The following NEXMIF variants were observed in gnomAD, a reference collection of about 807,000 sequenced individuals.
The protein encoded by NEXMIF is neurite extension and migration factor, also known as XLMR protein related to neurite extension.
NEXMIF carries 8 observed loss-of-function variants against 62.1 expected under a neutral mutation model. The ratio of observed to expected loss-of-function variants is 0.13; its 90% CI spans 0.08 to 0.23. NEXMIF has a LOEUF of 0.23. NEXMIF is among the 10% of genes least tolerant of loss of function. The probability of loss-of-function intolerance (pLI) is 1.00; values close to 1 mark genes in which losing one functional copy is unlikely to be tolerated. For missense variants in NEXMIF, 976 were observed against 1,113.3 expected (o/e 0.88, Z 1.75); for synonymous variants, 404 against 416.6 (o/e 0.97, Z 0.37).
intron 1 of NEXMIF, among the ~76,000 whole-genome samples, chrX:74,870,029 G>T (rs781104746): frequency 9.0e-6 from 1 of 110,996 alleles, no homozygotes; most frequent in African/African-American, 3.3e-5. Context: ...TGAGCAAAAA[G>T]AACAAATCTG....
At chrX:74,807,814 A>G (rs5937900) in intron 1 of NEXMIF, among the ~76,000 whole-genome samples, 26,695 of 110,813 alleles carry the variant, frequency 0.24, 3,947 homozygotes, top group East Asian at 0.93. Context: ...AATATTGAAT[A>G]GGAGTGGTAG....
chrX:74,872,639 T>G (rs2080606882), intron 1 of NEXMIF, among the ~76,000 whole-genome samples: 1 of 109,810 alleles, frequency 9.1e-6, no homozygotes, highest in African/African-American at 3.3e-5. Flanking sequence ...TATATTTAAA[T>G]GTACATAATT....
At chrX:74,796,184 TATATATTATATATATAC>T (rs1569345157) in intron 1 of NEXMIF, among the ~76,000 whole-genome samples, 7 of 71,566 alleles carry the variant, frequency 9.8e-5, no homozygotes, top group African/African-American at 3.8e-4. Context: ...TATATATACA[TATATATTATATATATAC>T]ATATATATTA....
intron 1 of NEXMIF, among the ~76,000 whole-genome samples, chrX:74,806,181 G>T (rs183840643): frequency 2.7e-5 from 3 of 110,586 alleles, no homozygotes; most frequent in Non-Finnish European, 5.7e-5. Context: ...TCAACTTACC[G>T]TTTTTTTTCT....
chrX:74,796,209 T>TTATATATATATACATATATAA (rs1556024040), intron 1 of NEXMIF, among the ~76,000 whole-genome samples: 2,102 of 46,558 alleles, frequency 0.045, 97 homozygotes, highest in South Asian at 0.06. Context: ...TACATATATA[T>TTATATATATATACATATATAA]TATATATATA....
At chrX:74,858,384 A>G (rs1451476376) in intron 1 of NEXMIF, among the ~76,000 whole-genome samples, 1 of 112,237 alleles carries the variant, frequency 8.9e-6, no homozygotes, top group Non-Finnish European at 1.9e-5. Flanking sequence ...CTGTCTGGTA[A>G]TGCAGATAAT....
At chrX:74,791,045 G>A (rs2080280399) in intron 1 of NEXMIF, among the ~76,000 whole-genome samples, 1 of 110,571 alleles carries the variant, frequency 9.0e-6, no homozygotes, top group African/African-American at 3.3e-5. Context: ...CGGCATCCCT[G>A]TCTTGTGCCA....
chrX:74,809,024 T>C (rs2080353183), intron 1 of NEXMIF, among the ~76,000 whole-genome samples: 2 of 111,881 alleles, frequency 1.8e-5, no homozygotes, highest in Admixed American at 1.9e-4. Context: ...ATTAGTGCTG[T>C]TATAAAAAGA....
rs1357769216 is a variant in NEXMIF at position 74,925,419 on chromosome X, G to GGCTGCT, written c.-590_-585dup. 4 of 190,800 alleles carry GGCTGCT rather than the reference G, an allele frequency of 2.1e-5. No individual in the cohort carries two copies. The highest frequency in any genetic ancestry group is 3.1e-5 in the African/African-American group (1 of 32,679). The allele number at this position is 190,800 out of a possible 1,213,427, so 15.7% of individuals were successfully genotyped here. A position where few individuals can be genotyped will look rare whatever the true frequency, so the allele number is the denominator to read the frequency against. The stretch of plus-strand genomic sequence containing the variant: ...CTGTGGCGGCGGTGGTGGCGGCGGC[G>GGCTGCT]GCTGCTGCTGCTGCTGCTGATGCTA... On this transcript the variant is annotated 5_prime_UTR_variant, in exon 1 of 4. Transcript: ENST00000055682.
intron 1 of NEXMIF, among the ~76,000 whole-genome samples, chrX:74,840,189 G>A (rs543872289): frequency 3.6e-5 from 4 of 111,749 alleles, no homozygotes; most frequent in African/African-American, 1.3e-4. Context: ...TTTTTCATAT[G>A]CTTGTTGGCT....
intron 1 of NEXMIF, among the ~76,000 whole-genome samples, chrX:74,830,958 CGTT>C (rs141213832): frequency 0.043 from 4,793 of 110,217 alleles, 128 homozygotes; most frequent in Non-Finnish European, 0.069. Flanking sequence ...TTGGTGGCAT[CGTT>C]GTTTTTTTTC....
chrX:74,906,050 G>A (rs1445445042), intron 1 of NEXMIF, among the ~76,000 whole-genome samples: 1 of 109,907 alleles, frequency 9.1e-6, no homozygotes, highest in African/African-American at 3.3e-5. Context: ...TGGAAGGATT[G>A]TTTGAGCCTA....
intron 1 of NEXMIF, among the ~76,000 whole-genome samples, chrX:74,805,610 T>A (rs1198223507): frequency 8.9e-6 from 1 of 112,026 alleles, no homozygotes; most frequent in Non-Finnish European, 1.9e-5. Context: ...GGGTTTTTCC[T>A]AGGTTTTCTT....
intron 1 of NEXMIF, among the ~76,000 whole-genome samples, chrX:74,888,669 T>C (rs2080706562): frequency 9.1e-6 from 1 of 109,654 alleles, no homozygotes; most frequent in South Asian, 4.2e-4. Flanking sequence ...TCTGCACATG[T>C]ATCCCAGAAT....
At chrX:74,826,546 T>G (rs1055234408) in intron 1 of NEXMIF, among the ~76,000 whole-genome samples, 1 of 111,993 alleles carries the variant, frequency 8.9e-6, no homozygotes, top group African/African-American at 3.3e-5. Flanking sequence ...TACACATATT[T>G]TCTCCCAATC....
At chrX:74,918,930 T>C (rs1028964306) in intron 1 of NEXMIF, among the ~76,000 whole-genome samples, 5 of 112,387 alleles carry the variant, frequency 4.4e-5, no homozygotes, top group South Asian at 7.4e-4. Context: ...GTGTCCATTA[T>C]GGAAAAGGCA....
chrX:74,852,168 T>G (rs937477012), intron 1 of NEXMIF, among the ~76,000 whole-genome samples: 1 of 111,813 alleles, frequency 8.9e-6, no homozygotes, highest in African/African-American at 3.2e-5. Flanking sequence ...AGGGTAGCTA[T>G]GTTTAAATAA....
At chrX:74,809,769 T>G (rs2080355147) in intron 1 of NEXMIF, among the ~76,000 whole-genome samples, 1 of 111,456 alleles carries the variant, frequency 9.0e-6, no homozygotes, top group African/African-American at 3.3e-5. Flanking sequence ...ATACCCAGAG[T>G]ACTTGGGTTT....
intron 1 of NEXMIF, among the ~76,000 whole-genome samples, chrX:74,885,692 G>A (rs778001513): frequency 8.9e-6 from 1 of 111,883 alleles, no homozygotes; most frequent in East Asian, 2.8e-4. Context: ...GGACCAGACG[G>A]ATTCACAGCT....
Sources: allele counts gnomAD v4.1 joint callset (sites outside exome capture counted in the v4.1 genomes callset), GRCh38; gene constraint gnomAD v4.1.1; transcripts MANE v1.5; gene names NCBI Gene and HGNC (gene_info 2026-07-23, HGNC 2026-07-21).